DYNC2LI1: variants seen among roughly 807,000 people sequenced by gnomAD.
DYNC2LI1 encodes the protein dynein cytoplasmic 2 light intermediate chain 1.
A neutral mutation model predicts 51.9 loss-of-function variants in DYNC2LI1; 45 were observed. The ratio of observed to expected loss-of-function variants is 0.87; its 90% CI spans 0.68 to 1.11. The LOEUF (loss-of-function observed/expected upper bound fraction) is 1.11, where lower values mean the gene tolerates loss of function less well. Among genes scored for constraint, DYNC2LI1 ranks in the 50% most tolerant of loss-of-function variants. DYNC2LI1 has a pLI of 0.00. For missense variants in DYNC2LI1, 490 were observed against 417.4 expected, an observed-to-expected ratio of 1.17 and a Z score of -1.51; for synonymous variants, 130 against 137.8, an observed-to-expected ratio of 0.94 and a Z score of 0.40.
the DYNC2LI1 span, among the ~76,000 whole-genome samples, chr2:43,823,239 G>C: frequency 6.6e-6 from 1 of 152,112 alleles, no homozygotes; most frequent in Admixed American, 6.5e-5. Context: ...TAAGTGATTT[G>C]AAGCACTTTG....
chr2:43,817,757 A>C, the DYNC2LI1 span, among the ~76,000 whole-genome samples: 1 of 151,986 alleles, frequency 6.6e-6, no homozygotes, highest in African/African-American at 2.4e-5. Flanking sequence ...TAAAAATACA[A>C]AAATTAGCCA....
At position 43,776,859 on chromosome 2, in the gene DYNC2LI1, T is replaced by C. The variant is rs1274915256; in HGVS notation, c.86T>C (p.Ile29Thr). 6.2e-7 allele frequency: 1 copy of C among 1,605,576 alleles called. No individual in the cohort carries two copies. Among genetic ancestry groups the C allele is most frequent in the East Asian group, 2.2e-5 (1 of 44,462 alleles). ...GGAAGTGAAGGTGATGGAGCTGAAA[T>C]TGCAGAAAAATTTGTTTTCTTCATT... ...INGSEGDGAE[I>T]AEKFVFFIGS... Residue 29 changes from isoleucine (I) to threonine (T), a missense_variant, in exon 2 of 13, where the codon ATT becomes ACT. Physicochemically the swap from Ile to Thr is moderately conservative, Grantham distance 89. Transcript: ENST00000260605.
At chr2:43,787,132 G>A in intron 3 of DYNC2LI1, 49 bp from the exon 4 acceptor site, 1 of 1,482,868 alleles carries the variant, frequency 6.7e-7, no homozygotes, top group Non-Finnish European at 9.4e-7. Context: ...GATAGCATAA[G>A]AAACTAATAC....
At chr2:43,774,179 C>G (rs752263931) in intron 1 of DYNC2LI1, 33 bp downstream of exon 1, 4 of 1,612,892 alleles carry the variant, frequency 2.5e-6, no homozygotes, top group Non-Finnish European at 3.4e-6. Context: ...GTGGGAAAGG[C>G]TACTGAGAGT....
At chr2:43,785,603 G>A (rs1476671350) in intron 3 of DYNC2LI1, among the ~76,000 whole-genome samples, 1 of 151,820 alleles carries the variant, frequency 6.6e-6, no homozygotes, top group African/African-American at 2.4e-5. Flanking sequence ...GCGTGGTGGC[G>A]GGCCCCTGTA....
intron 4 of DYNC2LI1, among the ~76,000 whole-genome samples, chr2:43,787,875 C>T (rs954631431): frequency 3.3e-5 from 5 of 152,052 alleles, no homozygotes; most frequent in Non-Finnish European, 5.9e-5. Context: ...TGGAGCATCC[C>T]GCTACTCTGC....
chr2:43,780,931 G>A (rs1278033416), intron 2 of DYNC2LI1, among the ~76,000 whole-genome samples: 1 of 152,158 alleles, frequency 6.6e-6, no homozygotes, highest in African/African-American at 2.4e-5. Flanking sequence ...ATGCTCAGGG[G>A]ACCAGAGTGT....
chr2:43,797,630 C>T (rs1051938359), intron 8 of DYNC2LI1, among the ~76,000 whole-genome samples: 2 of 150,716 alleles, frequency 1.3e-5, no homozygotes, highest in African/African-American at 2.4e-5. Context: ...AGTGATTCTC[C>T]TGCCTCAGCC....
In DYNC2LI1 at chr2:43,804,718, T is replaced by C. The variant is rs761710478; in HGVS notation, c.879T>C (p.Tyr293=). ...CTATGGAGTTGTGGAAAAAAGTGTA[T>C]GAAAAGCTCTTTCCACCAAAGGTAC... ...HSPMELWKKV[Y]EKLFPPKSIN... Residue 293 remains tyrosine, a synonymous_variant, in exon 11 of 13, where the codon TAT becomes TAC. Coordinates refer to ENST00000260605, the MANE Select transcript of DYNC2LI1 (RefSeq NM_016008.4). The C allele has an allele frequency of 1.4e-5, 22 of 1,604,158 alleles. No homozygotes were observed. Among genetic ancestry groups the C allele is most frequent in the South Asian group, 2.3e-5 (2 of 88,674 alleles).
At chr2:43,805,722 A>C (rs1666227796) in intron 12 of DYNC2LI1, among the ~76,000 whole-genome samples, 1 of 152,120 alleles carries the variant, frequency 6.6e-6, no homozygotes, top group Non-Finnish European at 1.5e-5. Flanking sequence ...ACACAGACAT[A>C]CCTGACATAA....
rs1208478924 is a variant in DYNC2LI1 at position 43,794,500 on chromosome 2, G to A, written c.364G>A (p.Asp122Asn). ...CGTTCTGGATCTTTCAAAACCTAAT[G>A]ATCTCTGGCCCACCATGGAAAATCT... is the stretch of plus-strand genomic sequence containing the variant. Reference protein sequence around the residue: ...VLVLDLSKPNDLWPTMENLLQ... With the variant: ...VLVLDLSKPNNLWPTMENLLQ... Residue 122 changes from aspartate to asparagine, a missense_variant, in exon 6 of 13, where the codon GAT (aspartate) becomes AAT (asparagine). Asp to Asn is a conservative substitution (Grantham distance 23). Transcript: ENST00000260605. 6.2e-7 allele frequency: 1 copy of A among 1,613,710 alleles called. No individual in the cohort carries two copies. Among genetic ancestry groups the A allele is most frequent in the African/African-American group, 1.3e-5 (1 of 74,876 alleles).
the DYNC2LI1 span, among the ~76,000 whole-genome samples, chr2:43,827,646 T>C: frequency 2.0e-5 from 3 of 152,338 alleles, no homozygotes; most frequent in Non-Finnish European, 2.9e-5. Context: ...TCAAAACTCA[T>C]TGGCTTTCCC....
At chr2:43,804,877 G>GT in intron 11 of DYNC2LI1, 138 bp downstream of exon 11, 1 of 568,710 alleles carries the variant, frequency 1.8e-6, no homozygotes, top group Non-Finnish European at 3.0e-6. Context: ...TGCTGAAAAT[G>GT]TAAATAGGCA....
downstream of DYNC2LI1, chr2:43,813,120 C>T (rs759846565): frequency 3.4e-6 from 4 of 1,192,578 alleles, no homozygotes; most frequent in East Asian, 2.3e-5. Context: ...CTTTCACTAC[C>T]TGCTAATGAG....
chr2:43,826,094 G>T, the DYNC2LI1 span, among the ~76,000 whole-genome samples: 1 of 151,946 alleles, frequency 6.6e-6, no homozygotes, highest in Admixed American at 6.6e-5. Flanking sequence ...TCTCACCTCA[G>T]CCTTCCAAGT....
the DYNC2LI1 span, among the ~76,000 whole-genome samples, chr2:43,816,314 G>A: frequency 2.0e-5 from 3 of 152,286 alleles, no homozygotes; most frequent in South Asian, 6.2e-4. Flanking sequence ...ATCTATTACA[G>A]CAAAGGAAGA....
At chr2:43,781,371 A>AC (rs1006948268) in intron 2 of DYNC2LI1, among the ~76,000 whole-genome samples, 7 of 152,052 alleles carry the variant, frequency 4.6e-5, no homozygotes, top group African/African-American at 1.7e-4. Flanking sequence ...TGTCTCAAAA[A>AC]AAAAAACAAA....
At chr2:43,802,725 A>T (rs576679266) in intron 10 of DYNC2LI1, among the ~76,000 whole-genome samples, 1 of 152,176 alleles carries the variant, frequency 6.6e-6, no homozygotes, top group Non-Finnish European at 1.5e-5. Context: ...ATGAAAGCCC[A>T]TGTGAAGATG....
intron 10 of DYNC2LI1, 24 bp from the exon 11 acceptor site, chr2:43,804,618 T>C: frequency 1.4e-6 from 2 of 1,443,816 alleles, no homozygotes; most frequent in Non-Finnish European, 1.9e-6. Context: ...TTGCAGTCAT[T>C]TGTGGTAAAA....
Sources: allele counts gnomAD v4.1 joint callset (sites outside exome capture counted in the v4.1 genomes callset), GRCh38; gene constraint gnomAD v4.1.1; transcripts MANE v1.5; gene names NCBI Gene and HGNC (gene_info 2026-07-23, HGNC 2026-07-21).